The following FREM2 variants were observed in gnomAD, a reference collection of about 807,000 sequenced individuals.
FREM2 encodes the protein FRAS1 related extracellular matrix 2, also known as FRAS1-related extracellular matrix protein 2.
In FREM2, 119 loss-of-function variants were observed where a neutral mutation model predicts 219.9. The observed-to-expected ratio is 0.54, with a 90% CI of 0.47 to 0.63. The LOEUF (loss-of-function observed/expected upper bound fraction) is 0.63. Among genes scored for constraint, FREM2 ranks in the 30% least tolerant of loss-of-function variants. FREM2 has a pLI of 0.00. For synonymous variants in FREM2, 1,562 were observed against 1,522.8 expected, an observed-to-expected ratio of 1.03 and a Z score of -0.60; for missense variants, 4,030 against 3,993.6, an observed-to-expected ratio of 1.01 and a Z score of -0.25.
chr13:38,734,761 T>TC (rs1871914453), intron 2 of FREM2, among the ~76,000 whole-genome samples: 1 of 148,604 alleles, frequency 6.7e-6, no homozygotes, highest in Non-Finnish European at 1.5e-5. Context: ...TTTTTTTTTT[T>TC]TCTGAAACAC....
At chr13:38,790,968 C>G (rs555498949) in intron 6 of FREM2, among the ~76,000 whole-genome samples, 334 of 152,220 alleles carry the variant, frequency 2.2e-3, no homozygotes, top group African/African-American at 7.3e-3. Flanking sequence ...ATTAAGGTGT[C>G]AGTGGGCACA....
At position 38,857,952 on chromosome 13, in the gene FREM2, A is replaced by T; in HGVS notation, c.7134A>T (p.Val2378=). The T allele has an allele frequency of 6.2e-7, 1 of 1,613,730 alleles. No individual in the cohort carries two copies. The change falls in exon 13 of 24, where the codon GTA becomes GTT. Residue 2378 remains valine (V), a synonymous_variant. Transcript: ENST00000280481. ...CTTTTCCTTCTGTCCCTCAAATTGT[A>T]TCCCTGTTGATGTATGACGACACTT... is the stretch of plus-strand genomic sequence containing the variant. ...DVTFPSVPQI[V]SLLMYDDTSK...
At chr13:38,816,730 A>G (rs1279938444) in intron 6 of FREM2, among the ~76,000 whole-genome samples, 1 of 152,148 alleles carries the variant, frequency 6.6e-6, no homozygotes, top group Non-Finnish European at 1.5e-5. Context: ...AGCCGGAGCA[A>G]TTAGGCAAGA....
intron 16 of FREM2, among the ~76,000 whole-genome samples, chr13:38,871,091 A>G (rs1002555772): frequency 5.3e-5 from 8 of 152,208 alleles, no homozygotes. Context: ...ACTGTCTCAA[A>G]GGACTTTTAA....
rs1566149207 is a variant in FREM2 at position 38,807,207 on chromosome 13, ATATATATATATATATATATATG to A, written c.6019+22403_6019+22424del. ...GTCTCTGTTATATATATATATATAT[ATATATATATATATATATATATG>A]TATGGTTTTGTTTTGTTTTGTTTTT... On this transcript the variant is annotated intron_variant, in intron 6 of 23. Coordinates refer to ENST00000280481, the MANE Select transcript of FREM2 (RefSeq NM_207361.6). 1.5e-4 allele frequency among the ~76,000 whole-genome samples: 17 copies of A among 109,810 alleles called. 1 individual carries two copies. Among genetic ancestry groups the A allele is most frequent in the South Asian group, 5.9e-4 (2 of 3,390 alleles). 72.0% of individuals were successfully genotyped at this position (109,810 alleles called of 152,430 possible).
At chr13:38,840,503 C>T (rs1876908629) in intron 6 of FREM2, among the ~76,000 whole-genome samples, 1 of 150,488 alleles carries the variant, frequency 6.6e-6, no homozygotes, top group South Asian at 2.1e-4. Context: ...CCCACTGCAA[C>T]CCAAATGACC....
intron 2 of FREM2, among the ~76,000 whole-genome samples, chr13:38,737,937 G>A (rs181458517): frequency 6.6e-6 from 1 of 152,308 alleles, no homozygotes. Context: ...TTGGATGGGG[G>A]TGAAGAGAAG....
rs575515911 is a variant in FREM2 at position 38,746,384 on chromosome 13, C to T, written c.5264-17920C>T. ...TGAGTGTAAAGTGCAGTAAGGTTCG[C>T]TCAAGATTTTGCCATAACACATAAA... On this transcript the variant is annotated intron_variant, in intron 2 of 23. Coordinates refer to ENST00000280481, the MANE Select transcript of FREM2 (RefSeq NM_207361.6). 2.0e-4 allele frequency among the ~76,000 whole-genome samples: 31 copies of T among 152,250 alleles called. 1 individual carries two copies. The highest frequency in any genetic ancestry group is 6.3e-4 in the African/African-American group (26 of 41,536).
At chr13:38,706,859 T>C (rs978212357) in intron 2 of FREM2, among the ~76,000 whole-genome samples, 1 of 152,152 alleles carries the variant, frequency 6.6e-6, no homozygotes, top group African/African-American at 2.4e-5. Flanking sequence ...TTAATCCTCA[T>C]TGCAAATAAG....
At chr13:38,796,696 A>C (rs1033176670) in intron 6 of FREM2, among the ~76,000 whole-genome samples, 1 of 152,138 alleles carries the variant, frequency 6.6e-6, no homozygotes, top group African/African-American at 2.4e-5. Flanking sequence ...GATTCCATAT[A>C]TTTGCTATTA....
intron 6 of FREM2, among the ~76,000 whole-genome samples, chr13:38,785,168 G>T (rs1287861114): frequency 6.6e-6 from 1 of 151,964 alleles, no homozygotes; most frequent in African/African-American, 2.4e-5. Flanking sequence ...CTTATATTTT[G>T]TAACTTTAAT....
At chr13:38,732,582 G>A (rs902586528) in intron 2 of FREM2, among the ~76,000 whole-genome samples, 38 of 152,256 alleles carry the variant, frequency 2.5e-4, no homozygotes, top group African/African-American at 7.2e-4. Flanking sequence ...GTGGAAAGCC[G>A]GGGGAACTGA....
chr13:38,880,906 G>C lies in FREM2; in HGVS notation c.*119G>C. On this transcript the variant is annotated 3_prime_UTR_variant, in exon 24 of 24. Transcript: ENST00000280481. ...GATGGCTGTGATGAAGCTGCTTAGAGAATATGACTGTACTAATGGAGTTTG... is the reference window on the plus strand; with the variant it reads ...GATGGCTGTGATGAAGCTGCTTAGACAATATGACTGTACTAATGGAGTTTG... 3 of 1,154,492 alleles carry C rather than the reference G, an allele frequency of 2.6e-6. No homozygotes were observed. Among genetic ancestry groups the C allele is most frequent in the Non-Finnish European group, 3.8e-6 (3 of 787,360 alleles). The allele number at this position is 1,154,492 out of a possible 1,614,324, so 71.5% of individuals were successfully genotyped here.
At chr13:38,822,282 A>C (rs1462950229) in intron 6 of FREM2, among the ~76,000 whole-genome samples, 1 of 151,824 alleles carries the variant, frequency 6.6e-6, no homozygotes, top group African/African-American at 2.4e-5. Context: ...TCACAGGCCC[A>C]GGAAGTATAC....
chr13:38,873,253 A>G (rs1878227786), intron 17 of FREM2, among the ~76,000 whole-genome samples: 1 of 152,178 alleles, frequency 6.6e-6, no homozygotes. Flanking sequence ...ATTCTAGAAA[A>G]TGGATAGAGG....
At chr13:38,842,446 C>T (rs963612654) in intron 6 of FREM2, among the ~76,000 whole-genome samples, 46 of 152,028 alleles carry the variant, frequency 3.0e-4, no homozygotes, top group African/African-American at 1.1e-3. Context: ...CTGTGGATTC[C>T]GTTATGGAGA....
chr13:38,874,466 A>G lies in FREM2; in HGVS notation c.8177-16A>G. On this transcript the variant is annotated splice_polypyrimidine_tract_variant and intron_variant, in intron 17 of 23. Coordinates refer to ENST00000280481, the MANE Select transcript of FREM2 (RefSeq NM_207361.6). ...GGCTACATATATTTTCATTCTTGGT[A>G]CTCTCCCCATTATAGGTTCTCTCTA... The G allele has an allele frequency of 1.3e-6, 2 of 1,598,744 alleles. No homozygotes were observed. Among genetic ancestry groups the G allele is most frequent in the Middle Eastern group, 1.7e-4 (1 of 6,042 alleles).
In FREM2 at chr13:38,811,973, T is replaced by C. The variant is rs539005545; in HGVS notation, c.6019+27165T>C. Among the ~76,000 whole-genome samples the C allele has an allele frequency of 5.0e-4, 76 of 152,274 alleles. 1 individual carries two copies. The highest frequency in any genetic ancestry group is 1.7e-3 in the African/African-American group (69 of 41,570). The stretch of plus-strand genomic sequence containing the variant: ...ATGCTTACTTTATATATCTGTGTGC[T>C]CCAGTGTTGGGTGCATATATATTTA... On this transcript the variant is annotated intron_variant, in intron 6 of 23. Transcript: ENST00000280481.
intron 6 of FREM2, among the ~76,000 whole-genome samples, chr13:38,804,172 G>A (rs1403241683): frequency 5.3e-5 from 8 of 151,768 alleles, no homozygotes; most frequent in East Asian, 1.9e-4. Flanking sequence ...TAATTTCTCC[G>A]AATATTAATG....
Sources: gnomAD v4.1 joint callset for allele counts (sites outside exome capture counted in the v4.1 genomes callset) on GRCh38, gnomAD v4.1.1 for gene constraint, MANE v1.5 for transcripts, NCBI Gene and HGNC (gene_info 2026-07-23, HGNC 2026-07-21) for gene names.